The following ADARB2 variants were observed in gnomAD, a reference collection of about 807,000 sequenced individuals.
ADARB2 encodes the protein adenosine deaminase RNA specific B2 (inactive), also known as inactive double-stranded RNA-specific editase B2.
In ADARB2, 25 loss-of-function variants were observed where a neutral mutation model predicts 62.2. The observed-to-expected ratio is 0.40, with a 90% CI of 0.29 to 0.56. The LOEUF (loss-of-function observed/expected upper bound fraction) is 0.56. Among genes scored for constraint, ADARB2 ranks in the 20% least tolerant of loss-of-function variants. The pLI, the probability that ADARB2 is intolerant of heterozygous loss-of-function variation, is 0.43. For missense variants in ADARB2, 1,071 were observed against 1,077.4 expected, an observed-to-expected ratio of 0.99 and a Z score of 0.08; for synonymous variants, 572 against 500.8, an observed-to-expected ratio of 1.14 and a Z score of -1.90.
At chr10:1,697,638 C>T (rs544356896) in intron 1 of ADARB2, among the ~76,000 whole-genome samples, 1 of 152,188 alleles carries the variant, frequency 6.6e-6, no homozygotes, top group Admixed American at 6.5e-5. Context: ...ATCCTGAACC[C>T]CAGACAAGGG....
chr10:1,548,836 A>T (rs1369349752), intron 1 of ADARB2, among the ~76,000 whole-genome samples: 1 of 152,140 alleles, frequency 6.6e-6, no homozygotes, highest in Admixed American at 6.5e-5. Context: ...ACCTGGGAAG[A>T]GTTATTTTGT....
chr10:1,224,636 T>C (rs1348704195), intron 6 of ADARB2, among the ~76,000 whole-genome samples: 10 of 152,130 alleles, frequency 6.6e-5, no homozygotes, highest in East Asian at 1.9e-4. Flanking sequence ...TCTTTGTTCT[T>C]ATTGGTTTCA....
chr10:1,626,271 C>T (rs1475439449), intron 1 of ADARB2, among the ~76,000 whole-genome samples: 78 of 144,750 alleles, frequency 5.4e-4, no homozygotes, highest in African/African-American at 2.1e-3. Flanking sequence ...ATGCTCTCTC[C>T]TGCATGGACA....
chr10:1,524,823 C>T (rs534216653), intron 1 of ADARB2, among the ~76,000 whole-genome samples: 1 of 152,190 alleles, frequency 6.6e-6, no homozygotes, highest in South Asian at 2.1e-4. Flanking sequence ...ACACAAAGGC[C>T]TGTAATTCTA....
intron 1 of ADARB2, among the ~76,000 whole-genome samples, chr10:1,612,034 G>C (rs1262354094): frequency 2.0e-5 from 3 of 152,200 alleles, no homozygotes; most frequent in Non-Finnish European, 4.4e-5. Context: ...CCCAGCGCTG[G>C]GGGGCACGAT....
chr10:1,319,553 T>C (rs960388554), intron 3 of ADARB2, among the ~76,000 whole-genome samples: 1 of 152,214 alleles, frequency 6.6e-6, no homozygotes, highest in African/African-American at 2.4e-5. Context: ...AACAAAATGA[T>C]TATAATCACA....
rs370355543 is a variant in ADARB2, at chr10:1,329,929, CTTTTTTTTTTTTT to C, written c.1077+33086_1077+33098del. 5.0e-4 allele frequency among the ~76,000 whole-genome samples: 50 copies of C among 100,252 alleles called. 1 individual carries two copies. In the East Asian group the frequency reaches 0.012, roughly 24 times the overall value. 65.8% of individuals were successfully genotyped at this position (100,252 alleles called of 152,430 possible). On this transcript the variant is annotated intron_variant, in intron 3 of 9. Transcript: ENST00000381312. ...TACTAAAGCCAGGTAGAAGAAGTGCCTTTTTTTTTTTTTTTTTTTTTTTTTCTCTTAAACACAT... is the reference window on the plus strand; with the variant it reads ...TACTAAAGCCAGGTAGAAGAAGTGCCTTTTTTTTTTTTCTCTTAAACACAT...
intron 2 of ADARB2, among the ~76,000 whole-genome samples, chr10:1,374,028 C>T (rs1326797519): frequency 2.0e-5 from 3 of 152,148 alleles, no homozygotes; most frequent in Non-Finnish European, 2.9e-5. Flanking sequence ...CAGTGAGACT[C>T]CGTGGGTGGC....
At chr10:1,475,629 G>A (rs76028194) in intron 1 of ADARB2, among the ~76,000 whole-genome samples, 4 of 152,196 alleles carry the variant, frequency 2.6e-5, no homozygotes, top group Non-Finnish European at 5.9e-5. Flanking sequence ...TTTTCACCTG[G>A]CACATTCTGG....
intron 3 of ADARB2, among the ~76,000 whole-genome samples, chr10:1,351,932 C>G (rs1200835335): frequency 6.8e-6 from 1 of 147,696 alleles, no homozygotes; most frequent in African/African-American, 2.6e-5. Flanking sequence ...CATATACTCT[C>G]CTATCTTCAA....
At chr10:1,480,063 CAA>C (rs34518044) in intron 1 of ADARB2, among the ~76,000 whole-genome samples, 1 of 150,556 alleles carries the variant, frequency 6.6e-6, no homozygotes, top group Admixed American at 6.6e-5. Flanking sequence ...ATATACAAAA[CAA>C]AAAAAAACCT....
intron 3 of ADARB2, among the ~76,000 whole-genome samples, chr10:1,289,806 C>A (rs900499575): frequency 6.6e-6 from 1 of 152,240 alleles, no homozygotes; most frequent in Admixed American, 6.5e-5. Flanking sequence ...ACAGCCAGCA[C>A]GCAGGAGCAG....
At chr10:1,297,468 G>A (rs749524275) in intron 3 of ADARB2, among the ~76,000 whole-genome samples, 9 of 152,132 alleles carry the variant, frequency 5.9e-5, no homozygotes, top group Non-Finnish European at 1.3e-4. Flanking sequence ...CCTTACCATA[G>A]AGCTGTTCCC....
intron 1 of ADARB2, among the ~76,000 whole-genome samples, chr10:1,729,258 T>C (rs1366043637): frequency 2.0e-5 from 3 of 152,254 alleles, no homozygotes; most frequent in African/African-American, 7.2e-5. Flanking sequence ...AAATCATTTG[T>C]AGATCCCCAA....
intron 1 of ADARB2, among the ~76,000 whole-genome samples, chr10:1,708,529 G>T (rs374278903): frequency 6.6e-6 from 1 of 152,172 alleles, no homozygotes; most frequent in Admixed American, 6.5e-5. Context: ...AAGACACAAG[G>T]CCCTTTAGTC....
At chr10:1,456,373 A>G (rs1356043447) in intron 1 of ADARB2, among the ~76,000 whole-genome samples, 1 of 152,150 alleles carries the variant, frequency 6.6e-6, no homozygotes, top group East Asian at 1.9e-4. Context: ...CGGCTCCTGG[A>G]GGCTCCTGCC....
At chr10:1,510,110 C>CTTTCTTTCTTTCTTTCTTTCTT (rs1289777469) in intron 1 of ADARB2, among the ~76,000 whole-genome samples, 3 of 106,184 alleles carry the variant, frequency 2.8e-5, no homozygotes, top group South Asian at 7.4e-4. Flanking sequence ...CTTTCTTTCT[C>CTTTCTTTCTTTCTTTCTTTCTT]TCTTTCTTTC....
intron 6 of ADARB2, 43 bp from the exon 7 acceptor site, chr10:1,217,162 G>C: frequency 6.6e-7 from 1 of 1,505,344 alleles, no homozygotes; most frequent in South Asian, 1.3e-5. Flanking sequence ...GAGGGAAGCC[G>C]CCTTGGTTTT....
intron 1 of ADARB2, among the ~76,000 whole-genome samples, chr10:1,520,924 T>C (rs1182748478): frequency 6.6e-6 from 1 of 152,156 alleles, no homozygotes; most frequent in Admixed American, 6.5e-5. Flanking sequence ...TTTCTGAGAA[T>C]AAGACCTCGA....
Sources: allele counts gnomAD v4.1 joint callset (sites outside exome capture counted in the v4.1 genomes callset), GRCh38; gene constraint gnomAD v4.1.1; transcripts MANE v1.5; gene names NCBI Gene and HGNC (gene_info 2026-07-23, HGNC 2026-07-21).